Variants in NEBL observed in about 807,000 individuals in gnomAD.
NEBL encodes the protein LIM and SH3 protein 2.
Under a neutral mutation model 140.2 loss-of-function variants are expected in NEBL, and 122 were observed. The observed-to-expected ratio is 0.87, with a 90% CI of 0.75 to 1.01. NEBL has a LOEUF of 1.01. Ranked by LOEUF, NEBL falls within the 50% of genes least tolerant of loss-of-function variation. NEBL has a pLI of 0.00. For missense variants in NEBL, 1,365 were observed against 1,231.3 expected, an observed-to-expected ratio of 1.11 and a Z score of -1.62; for synonymous variants, 436 against 398.9, an observed-to-expected ratio of 1.09 and a Z score of -1.11.
rs1376780421 is a variant in NEBL, at chr10:20,781,754, CAGTT to C, written c.*3989_*3992del. On this transcript the variant is annotated 3_prime_UTR_variant, in exon 28 of 28. Coordinates refer to ENST00000377122, the MANE Select transcript of NEBL (RefSeq NM_006393.3). ...CTTGACTTTTTTGATCAACAGTTGA[CAGTT>C]AGTTGCGAGGAAAGGGTCCAAAAGG... is the stretch of plus-strand genomic sequence containing the variant. 1 of 152,590 alleles carries C rather than the reference CAGTT, an allele frequency of 6.6e-6. No homozygotes were observed. The highest frequency in any genetic ancestry group is 1.5e-5 in the Non-Finnish European group (1 of 68,050). 9.5% of individuals were successfully genotyped at this position (152,590 alleles called of 1,614,324 possible). A position where few individuals can be genotyped will look rare whatever the true frequency, so the allele number is the denominator to read the frequency against.
In NEBL at chr10:20,858,357, C is replaced by A; in HGVS notation, c.799-13G>T. On this transcript the variant is annotated splice_polypyrimidine_tract_variant and intron_variant, in intron 8 of 27. Transcript: ENST00000377122. ...TCTTGTACTTCACCTATGAAAATAACATGGAACAAAATACCATCGAGGAGA... is the reference window on the plus strand; with the variant it reads ...TCTTGTACTTCACCTATGAAAATAAAATGGAACAAAATACCATCGAGGAGA... 1 of 1,544,272 alleles carries A rather than the reference C, an allele frequency of 6.5e-7. No homozygotes were observed. The highest frequency in any genetic ancestry group is 9.0e-7 in the Non-Finnish European group (1 of 1,116,666).
At chr10:21,194,842 C>T (rs1841625030) in intron 3 of NEBL, among the ~76,000 whole-genome samples, 1 of 140,902 alleles carries the variant, frequency 7.1e-6, no homozygotes, top group South Asian at 2.6e-4. Flanking sequence ...CAAAAAAATA[C>T]TAATACACAG....
intron 2 of NEBL, among the ~76,000 whole-genome samples, chr10:21,050,263 C>T (rs957360963): frequency 2.6e-5 from 4 of 152,208 alleles, no homozygotes; most frequent in African/African-American, 9.6e-5. Context: ...CGGAAACTAT[C>T]TGATTTCTGT....
chr10:21,159,665 T>G (rs1840474920), intron 2 of NEBL, among the ~76,000 whole-genome samples: 1 of 152,258 alleles, frequency 6.6e-6, no homozygotes, highest in Non-Finnish European at 1.5e-5. Context: ...TGGTCTGCCA[T>G]GCAGCGGGGC....
Position 20,859,716 on chromosome 10 carries a change from G to T in NEBL, c.795C>A (p.Ser265Arg). Residue 265 changes from serine to arginine, a missense_variant, in exon 8 of 28, where the codon AGC (serine) becomes AGA (arginine). Physicochemically the swap from Ser to Arg is moderately radical, Grantham distance 110. Coordinates refer to ENST00000377122, the MANE Select transcript of NEBL (RefSeq NM_006393.3). ...TTTTCTATGAATTACAACTTACATT[G>T]CTCGCCAGTGTAGCAGCAAGCTGAT... ...RQNQLAATLASNVKYKKDIQN... is the reference protein window; with the variant it reads ...RQNQLAATLARNVKYKKDIQN... 3 of 1,565,784 alleles carry T rather than the reference G, an allele frequency of 1.9e-6. No individual in the cohort carries two copies. Among genetic ancestry groups the T allele is most frequent in the Non-Finnish European group, 2.6e-6 (3 of 1,137,778 alleles).
At chr10:21,145,405 A>G (rs1839845449) in intron 2 of NEBL, among the ~76,000 whole-genome samples, 1 of 152,248 alleles carries the variant, frequency 6.6e-6, no homozygotes. Context: ...CACCTATTTT[A>G]TAGGATATCA....
intron 2 of NEBL, among the ~76,000 whole-genome samples, chr10:21,084,917 C>T (rs972684257): frequency 7.2e-5 from 11 of 152,142 alleles, no homozygotes; most frequent in Admixed American, 3.3e-4. Context: ...GGGGAGTTTA[C>T]GCATGGCTAG....
intron 4 of NEBL, among the ~76,000 whole-genome samples, chr10:20,957,966 C>G (rs185045880): frequency 1.1e-4 from 17 of 152,302 alleles, no homozygotes; most frequent in Middle Eastern, 3.4e-3. Flanking sequence ...AGTGGGTAAA[C>G]AGCCAGAATG....
At chr10:20,940,001 C>T (rs536060328) in intron 4 of NEBL, among the ~76,000 whole-genome samples, 1 of 149,950 alleles carries the variant, frequency 6.7e-6, no homozygotes, top group East Asian at 2.0e-4. Flanking sequence ...CTTTAACAAC[C>T]CACTGTCAAT....
At chr10:20,950,526 A>G (rs1165630349) in intron 4 of NEBL, among the ~76,000 whole-genome samples, 1 of 152,204 alleles carries the variant, frequency 6.6e-6, no homozygotes, top group African/African-American at 2.4e-5. Flanking sequence ...GCATCCTAGG[A>G]TGAACATGAA....
At chr10:21,280,008 C>T (rs938129356) in intron 1 of NEBL, among the ~76,000 whole-genome samples, 2 of 152,080 alleles carry the variant, frequency 1.3e-5, no homozygotes, top group Admixed American at 1.3e-4. Flanking sequence ...AACTCTAAAG[C>T]TTCTCTGCCG....
chr10:20,798,343 C>A (rs969478102), intron 26 of NEBL, among the ~76,000 whole-genome samples: 8 of 152,162 alleles, frequency 5.3e-5, no homozygotes, highest in Non-Finnish European at 7.3e-5. Context: ...ATCCCCACAA[C>A]CTACACGCCT....
rs1223078828 is a variant in NEBL at position 20,924,322 on chromosome 10, T to G, written c.357+37350A>C. ...CCCTGAAAGTTTCACCTGTGACAACTTACAGTACCTATCTGCTTTGTATCC... is the reference window on the plus strand; with the variant it reads ...CCCTGAAAGTTTCACCTGTGACAACGTACAGTACCTATCTGCTTTGTATCC... On this transcript the variant is annotated intron_variant, in intron 4 of 6. Transcript: ENST00000417816. Among the ~76,000 whole-genome samples, 3 of 149,224 alleles carry G rather than the reference T, an allele frequency of 2.0e-5. No individual in the cohort carries two copies. In the East Asian group the frequency reaches 5.9e-4, roughly 30 times the overall value.
intron 4 of NEBL, among the ~76,000 whole-genome samples, chr10:20,946,890 T>A (rs1835191861): frequency 6.6e-6 from 1 of 152,266 alleles, no homozygotes; most frequent in East Asian, 1.9e-4. Context: ...ACTGATGGGT[T>A]TTTTTGAATC....
At chr10:20,843,146 T>C (rs139101243) in intron 12 of NEBL, among the ~76,000 whole-genome samples, 103 of 152,028 alleles carry the variant, frequency 6.8e-4, no homozygotes, top group African/African-American at 2.4e-3. Context: ...CTTGATAAGA[T>C]TAATATCTCT....
chr10:20,804,898 G>A (rs1837464193), intron 26 of NEBL, among the ~76,000 whole-genome samples: 1 of 152,180 alleles, frequency 6.6e-6, no homozygotes, highest in African/African-American at 2.4e-5. Flanking sequence ...CAGATGTCAG[G>A]TGGAGAACAG....
chr10:20,880,052 T>C (rs1265279943), intron 5 of NEBL, among the ~76,000 whole-genome samples: 2 of 152,206 alleles, frequency 1.3e-5, no homozygotes, highest in Non-Finnish European at 2.9e-5. Context: ...GGACCATCTG[T>C]TCTTACAAAC....
At chr10:20,894,236 G>C (rs1019694629) in intron 2 of NEBL, among the ~76,000 whole-genome samples, 3 of 152,168 alleles carry the variant, frequency 2.0e-5, no homozygotes, top group African/African-American at 7.2e-5. Flanking sequence ...CTGGGAGAAC[G>C]ATGCAGGAGA....
chr10:21,035,326 TC>T (rs111263479), intron 2 of NEBL, among the ~76,000 whole-genome samples: 88,086 of 147,900 alleles, frequency 0.6, 26,274 homozygotes, highest in East Asian at 0.73. Context: ...ATGCTCTCCT[TC>T]CCCCCGCCCC....
Sources: allele counts gnomAD v4.1 joint callset (sites outside exome capture counted in the v4.1 genomes callset), GRCh38; gene constraint gnomAD v4.1.1; transcripts MANE v1.5; gene names NCBI Gene and HGNC (gene_info 2026-07-23, HGNC 2026-07-21).